The following FMN2 variants were observed in gnomAD, a reference collection of about 807,000 sequenced individuals.
FMN2 encodes the protein formin-2.
FMN2 carries 51 observed loss-of-function variants against 142.3 expected under a neutral mutation model. That is an observed-to-expected ratio of 0.36 (90% CI 0.29 to 0.45). FMN2 has a LOEUF of 0.45. FMN2 is among the 20% of genes least tolerant of loss of function. The pLI, the probability that FMN2 is intolerant of heterozygous loss-of-function variation, is 1.00. For synonymous variants in FMN2, 882 were observed against 869.8 expected, an observed-to-expected ratio of 1.01 and a Z score of -0.25; for missense variants, 1,936 against 2,122.8, an observed-to-expected ratio of 0.91 and a Z score of 1.73.
chr1:240,255,715 G>A (rs1668431426), intron 6 of FMN2, among the ~76,000 whole-genome samples: 1 of 152,078 alleles, frequency 6.6e-6, no homozygotes, highest in Non-Finnish European at 1.5e-5. Context: ...AAGCTGGCTG[G>A]TGGTGTTGGG....
intron 15 of FMN2, among the ~76,000 whole-genome samples, chr1:240,422,233 C>A (rs995807787): frequency 4.6e-5 from 7 of 152,146 alleles, no homozygotes; most frequent in African/African-American, 1.4e-4. Context: ...TATTCCAGAT[C>A]TTTTGCTTTT....
Position 240,092,738 on chromosome 1 carries a change from A to G in FMN2, c.629A>G (p.Gln210Arg), listed in dbSNP as rs1458799973. 4.4e-5 allele frequency: 71 copies of G among 1,613,042 alleles called. No homozygotes were observed. The highest frequency in any genetic ancestry group is 5.9e-5 in the Non-Finnish European group (70 of 1,179,792). ...QQAIRLQQQQ[Q>R]QQLQLQLQQQ... is the part of the protein sequence containing the mutation. ...GCGATCCGCCTGCAGCAGCAGCAGC[A>G]GCAGCAGCTCCAGCTCCAGCTCCAG... The change falls in exon 1 of 18, where the codon CAG (glutamine) becomes CGG (arginine). Residue 210 changes from glutamine to arginine, a missense_variant. Physicochemically the swap from Gln to Arg is conservative, Grantham distance 43. Transcript: ENST00000319653.
chr1:240,216,957 A>G (rs1666927094), intron 6 of FMN2, among the ~76,000 whole-genome samples: 2 of 152,198 alleles, frequency 1.3e-5, no homozygotes, highest in Admixed American at 1.3e-4. Context: ...TCAAAAAAAA[A>G]AAAAGTTATA....
intron 5 of FMN2, among the ~76,000 whole-genome samples, chr1:240,209,867 G>A (rs1002230768): frequency 3.3e-5 from 5 of 151,870 alleles, no homozygotes; most frequent in African/African-American, 9.7e-5. Context: ...TCGCGCCACT[G>A]CACTCCAGCC....
rs143085304 is a variant in FMN2, at chr1:240,270,131, A to G, written c.4153+12099A>G. 6.4e-3 allele frequency among the ~76,000 whole-genome samples: 968 copies of G among 152,154 alleles called. 4 individuals are homozygous for G. Among genetic ancestry groups the G allele is most frequent in the African/African-American group, 0.022 (910 of 41,544 alleles). ...TCTGATCTTAGAAGAAAAGCTTTCAACTTTTCACCATTGAGTATCCTGTTA... is the reference window on the plus strand; with the variant it reads ...TCTGATCTTAGAAGAAAAGCTTTCAGCTTTTCACCATTGAGTATCCTGTTA... On this transcript the variant is annotated intron_variant, in intron 7 of 17. Coordinates refer to ENST00000319653, the MANE Select transcript of FMN2 (RefSeq NM_020066.5).
At chr1:240,182,925 T>C (rs886463272) in intron 3 of FMN2, among the ~76,000 whole-genome samples, 37 of 151,674 alleles carry the variant, frequency 2.4e-4, no homozygotes, top group Middle Eastern at 3.2e-3. Flanking sequence ...TTTTCTTTTT[T>C]TTTTTTTTTG....
At chr1:240,265,786 T>C (rs1456662) in intron 7 of FMN2, among the ~76,000 whole-genome samples, 103,488 of 151,850 alleles carry the variant, frequency 0.68, 35,814 homozygotes, top group East Asian at 0.85. Context: ...TACACACACC[T>C]GCACCCATAT....
At chr1:240,128,356 T>C (rs1662595963) in intron 2 of FMN2, among the ~76,000 whole-genome samples, 2 of 152,244 alleles carry the variant, frequency 1.3e-5, no homozygotes, top group Non-Finnish European at 2.9e-5. Flanking sequence ...TTCTAGGATT[T>C]CTTTAATCCT....
chr1:240,380,353 G>A (rs1242174190), intron 14 of FMN2, among the ~76,000 whole-genome samples: 1 of 152,088 alleles, frequency 6.6e-6, no homozygotes, highest in Non-Finnish European at 1.5e-5. Flanking sequence ...ACACAAGCAT[G>A]TGGAAATTCA....
chr1:240,094,500 C>T (rs888700547), intron 1 of FMN2, among the ~76,000 whole-genome samples: 4 of 152,178 alleles, frequency 2.6e-5, no homozygotes, highest in Non-Finnish European at 4.4e-5. Flanking sequence ...GTTATAGACT[C>T]ATACCCAGGG....
chr1:240,301,657 G>GT (rs1005101138), intron 8 of FMN2, among the ~76,000 whole-genome samples: 5 of 151,606 alleles, frequency 3.3e-5, no homozygotes, highest in Non-Finnish European at 5.9e-5. Context: ...TGGGTTGACA[G>GT]TTTTTTTCTT....
chr1:240,294,547 C>T (rs753053875), intron 7 of FMN2, among the ~76,000 whole-genome samples: 9 of 152,310 alleles, frequency 5.9e-5, no homozygotes, highest in Admixed American at 2.6e-4. Flanking sequence ...TCATTCAGTT[C>T]GGCTGTGAAA....
intron 15 of FMN2, among the ~76,000 whole-genome samples, chr1:240,406,913 T>G (rs1674226461): frequency 6.6e-6 from 1 of 151,998 alleles, no homozygotes; most frequent in African/African-American, 2.4e-5. Context: ...AAAGAGAAAA[T>G]TTGGAGTATA....
chr1:240,367,575 T>C (rs1038640645), intron 14 of FMN2, among the ~76,000 whole-genome samples: 1 of 152,082 alleles, frequency 6.6e-6, no homozygotes, highest in African/African-American at 2.4e-5. Flanking sequence ...GAGACCATCC[T>C]GGCTAACACG....
At chr1:240,369,782 T>C (rs533469204) in intron 14 of FMN2, among the ~76,000 whole-genome samples, 1 of 152,312 alleles carries the variant, frequency 6.6e-6, no homozygotes, top group South Asian at 2.1e-4. Flanking sequence ...TGTTTTTCTG[T>C]TTCTCCATAT....
In FMN2 at chr1:240,207,128, G is replaced by C. The variant is rs1177584879; in HGVS notation, c.2316G>C (p.Gly772=). The change falls in exon 5 of 18, where the codon GGG becomes GGC. Residue 772 remains glycine (G), a synonymous_variant. Coordinates refer to ENST00000319653, the MANE Select transcript of FMN2 (RefSeq NM_020066.5). The part of the protein sequence containing the change: ...GLPGRPPCPP[G]AESGPQTKFC... ...CAGGGCGTCCTCCATGCCCCCCTGG[G>C]GCTGAAAGTGGACCTCAGACAAAGT... 1.2e-6 allele frequency: 2 copies of C among 1,614,034 alleles called. No individual in the cohort carries two copies. The highest frequency in any genetic ancestry group is 1.3e-5 in the African/African-American group (1 of 74,996).
chr1:240,297,283 T>C (rs1670018869), intron 8 of FMN2, among the ~76,000 whole-genome samples: 2 of 152,152 alleles, frequency 1.3e-5, no homozygotes, highest in Admixed American at 1.3e-4. Flanking sequence ...ATTGAATGTT[T>C]ATTTTATGAT....
intron 5 of FMN2, among the ~76,000 whole-genome samples, chr1:240,210,098 A>G (rs950971891): frequency 4.6e-5 from 7 of 152,154 alleles, no homozygotes; most frequent in South Asian, 2.1e-4. Context: ...AAGTCATACA[A>G]TCATAGCTGG....
At chr1:240,438,265 G>T in intron 16 of FMN2, 55 bp downstream of exon 16, 1 of 1,557,406 alleles carries the variant, frequency 6.4e-7, no homozygotes. Context: ...TATTAGGTGT[G>T]GCACCACTGG....
Sources: gnomAD v4.1 joint callset for allele counts (sites outside exome capture counted in the v4.1 genomes callset) on GRCh38, gnomAD v4.1.1 for gene constraint, MANE v1.5 for transcripts, NCBI Gene and HGNC (gene_info 2026-07-23, HGNC 2026-07-21) for gene names.